Variants in IGF2BP3 observed in about 807,000 individuals in gnomAD.
The protein encoded by IGF2BP3 is insulin like growth factor 2 mRNA binding protein 3, also known as insulin-like growth factor 2 mRNA-binding protein 3.
A neutral mutation model predicts 73.8 loss-of-function variants in IGF2BP3; 9 were observed. The ratio of observed to expected loss-of-function variants is 0.12; its 90% confidence interval spans 0.07 to 0.21. The LOEUF (loss-of-function observed/expected upper bound fraction) is 0.21, where lower values mean the gene tolerates loss of function less well. IGF2BP3 is among the 10% of genes least tolerant of loss of function. The probability of loss-of-function intolerance (pLI) is 1.00; values close to 1 mark genes in which losing one functional copy is unlikely to be tolerated. For synonymous variants in IGF2BP3, 258 were observed against 256.7 expected, an observed-to-expected ratio of 1.01 and a Z score of -0.05; for missense variants, 542 against 714.0, an observed-to-expected ratio of 0.76 and a Z score of 2.75.
At chr7:23,346,292 A>G in intron 7 of IGF2BP3, 1 of 440,596 alleles carries the variant, frequency 2.3e-6, no homozygotes. Flanking sequence ...TATTCACTTC[A>G]GGAAATATCT....
At chr7:23,350,951 A>C (rs1290004376) in intron 6 of IGF2BP3, among the ~76,000 whole-genome samples, 2 of 152,242 alleles carry the variant, frequency 1.3e-5, no homozygotes, top group Non-Finnish European at 2.9e-5. Flanking sequence ...GATTGGACCC[A>C]GAAAATTACT....
chr7:23,468,386 G>A lies in IGF2BP3; in HGVS notation c.236+96C>T. On this transcript the variant is annotated intron_variant, in intron 2 of 14. Transcript: ENST00000258729. ...ACCGGAACACCACGCCACACGGCAG[G>A]GGGTAAGCACCAGAGGACAAGAAGT... 10 of 1,246,480 alleles carry A rather than the reference G, an allele frequency of 8.0e-6. 1 individual carries two copies. The highest frequency in any genetic ancestry group is 7.2e-5 in the South Asian group (6 of 82,886). The allele number at this position is 1,246,480 out of a possible 1,614,324, so 77.2% of individuals were successfully genotyped here. A position where few individuals can be genotyped will look rare whatever the true frequency, so the allele number is the denominator to read the frequency against.
intron 12 of IGF2BP3, among the ~76,000 whole-genome samples, chr7:23,315,371 G>A (rs186293053): frequency 2.0e-5 from 3 of 152,268 alleles, no homozygotes; most frequent in Non-Finnish European, 2.9e-5. Flanking sequence ...GCCTCTCAAA[G>A]TGCTGGGATA....
At chr7:23,401,148 T>C (rs769423681) in intron 3 of IGF2BP3, among the ~76,000 whole-genome samples, 5 of 152,166 alleles carry the variant, frequency 3.3e-5, no homozygotes, top group Admixed American at 6.5e-5. Context: ...CTTTTAAAAA[T>C]TGTAACTTTT....
intron 3 of IGF2BP3, among the ~76,000 whole-genome samples, chr7:23,381,208 T>G (rs1019055677): frequency 2.0e-5 from 3 of 152,220 alleles, no homozygotes; most frequent in Non-Finnish European, 4.4e-5. Context: ...ACACACATTA[T>G]TCCACTTAGT....
At chr7:23,384,743 T>C (rs1006277888) in intron 3 of IGF2BP3, among the ~76,000 whole-genome samples, 15 of 151,880 alleles carry the variant, frequency 9.9e-5, no homozygotes. Flanking sequence ...ATACAAAAAT[T>C]AGCTGGGTGT....
intron 5 of IGF2BP3, among the ~76,000 whole-genome samples, chr7:23,358,558 T>G (rs1395265383): frequency 1.3e-5 from 2 of 152,176 alleles, no homozygotes; most frequent in African/African-American, 4.8e-5. Context: ...TATGCACAAA[T>G]ATTTGTTTCT....
chr7:23,425,233 T>C (rs1787475003), intron 2 of IGF2BP3, among the ~76,000 whole-genome samples: 1 of 152,250 alleles, frequency 6.6e-6, no homozygotes, highest in Admixed American at 6.5e-5. Flanking sequence ...GTCTATTTAA[T>C]ACAAGAGTTT....
chr7:23,312,632 T>G, intron 14 of IGF2BP3, 103 bp downstream of exon 14: 1 of 958,356 alleles, frequency 1.0e-6, no homozygotes, highest in Admixed American at 2.2e-5. Flanking sequence ...TGAAAAGTCT[T>G]AAGCATCAAA....
rs1007938727 is a variant in IGF2BP3 at position 23,466,426 on chromosome 7, G to A, written c.236+2056C>T. ...TCATCCCTGTTTACTTTGTTAGTAA[G>A]ATAGTACTGTATCATTTAAAATCCT... On this transcript the variant is annotated intron_variant, in intron 2 of 14. Coordinates refer to ENST00000258729, the MANE Select transcript of IGF2BP3 (RefSeq NM_006547.3). Among the ~76,000 whole-genome samples, 3 of 152,300 alleles carry A rather than the reference G, an allele frequency of 2.0e-5. No homozygotes were observed. The East Asian group carries it at 5.8e-4, about 29-fold the overall frequency.
intron 5 of IGF2BP3, among the ~76,000 whole-genome samples, chr7:23,351,993 A>G (rs1365460563): frequency 1.3e-5 from 2 of 152,248 alleles, no homozygotes; most frequent in African/African-American, 4.8e-5. Flanking sequence ...TCCAAACCAC[A>G]GTGGAAGAGA....
intron 2 of IGF2BP3, among the ~76,000 whole-genome samples, chr7:23,420,569 A>G (rs1787317168): frequency 6.6e-6 from 1 of 152,222 alleles, no homozygotes; most frequent in African/African-American, 2.4e-5. Flanking sequence ...ATAATCCACA[A>G]TTTTGAAGTA....
At chr7:23,446,241 G>A (rs528633139) in intron 2 of IGF2BP3, among the ~76,000 whole-genome samples, 20 of 152,226 alleles carry the variant, frequency 1.3e-4, no homozygotes, top group African/African-American at 4.3e-4. Flanking sequence ...AGTAAATTGG[G>A]GAAAGTAAAG....
chr7:23,340,323 T>C (rs1784676514), intron 10 of IGF2BP3, among the ~76,000 whole-genome samples: 1 of 152,122 alleles, frequency 6.6e-6, no homozygotes, highest in Non-Finnish European at 1.5e-5. Context: ...GGAGACAAGA[T>C]GCTGCTGACA....
chr7:23,337,810 C>T lies in IGF2BP3; in HGVS notation c.1203+4254G>A, dbSNP rs576065122. 2.6e-5 allele frequency among the ~76,000 whole-genome samples: 4 copies of T among 152,342 alleles called. No individual in the cohort carries two copies. In the East Asian group the frequency reaches 7.7e-4, roughly 29 times the overall value. On this transcript the variant is annotated intron_variant, in intron 10 of 14. Transcript: ENST00000258729. ...TCCGCCTCCCCAGTAGCTGGGACTACAGGTGTCTGTCACCACATCCAGCAA... is the reference window on the plus strand; with the variant it reads ...TCCGCCTCCCCAGTAGCTGGGACTATAGGTGTCTGTCACCACATCCAGCAA...
chr7:23,314,820 CAG>C (rs1461820555), intron 12 of IGF2BP3, among the ~76,000 whole-genome samples: 1 of 152,228 alleles, frequency 6.6e-6, no homozygotes, highest in Non-Finnish European at 1.5e-5. Context: ...TTTTTTGAGA[CAG>C]AGTCTCACCC....
chr7:23,460,156 G>GTGACAAGAGTGAAACTCCATCT (rs1788410934), intron 2 of IGF2BP3, among the ~76,000 whole-genome samples: 2 of 140,482 alleles, frequency 1.4e-5, no homozygotes, highest in South Asian at 2.3e-4. Flanking sequence ...TCCAGCCTGG[G>GTGACAAGAGTGAAACTCCATCT]CAACCGTGCG....
intron 3 of IGF2BP3, among the ~76,000 whole-genome samples, chr7:23,397,262 A>G (rs1412085469): frequency 1.3e-5 from 2 of 152,246 alleles, no homozygotes; most frequent in Non-Finnish European, 1.5e-5. Context: ...TCCGGCACAT[A>G]GTAGGCACTC....
At chr7:23,314,139 C>A (rs1022703701) in intron 12 of IGF2BP3, among the ~76,000 whole-genome samples, 2 of 151,948 alleles carry the variant, frequency 1.3e-5, no homozygotes, top group Non-Finnish European at 2.9e-5. Context: ...CCTACCTCAG[C>A]CTCCTGAGTA....
Sources: allele counts gnomAD v4.1 joint callset (sites outside exome capture counted in the v4.1 genomes callset), GRCh38; gene constraint gnomAD v4.1.1; transcripts MANE v1.5; gene names NCBI Gene and HGNC (gene_info 2026-07-23, HGNC 2026-07-21).